The following CUL9 variants were observed in gnomAD, a reference collection of about 807,000 sequenced individuals.
CUL9 encodes cullin 9, also known as cullin-9.
CUL9 carries 79 observed loss-of-function variants against 272.6 expected under a neutral mutation model. That is an observed-to-expected ratio of 0.29 (90% CI 0.24 to 0.35). The LOEUF is 0.35. Ranked by LOEUF, CUL9 falls within the 10% of genes least tolerant of loss-of-function variation. The pLI is 1.00. For synonymous variants in CUL9, 1,186 were observed against 1,286.5 expected, an observed-to-expected ratio of 0.92 and a Z score of 1.67; for missense variants, 2,532 against 3,255.6, an observed-to-expected ratio of 0.78 and a Z score of 5.41.
At chr6:43,214,493 C>G (rs987672979) in intron 29 of CUL9, among the ~76,000 whole-genome samples, 1 of 151,882 alleles carries the variant, frequency 6.6e-6, no homozygotes, top group Non-Finnish European at 1.5e-5. Flanking sequence ...CAGATAAGAA[C>G]AGTGAAGTAT....
intron 24 of CUL9, 31 bp from the exon 25 acceptor site, chr6:43,205,976 T>C: frequency 6.2e-7 from 1 of 1,602,028 alleles, no homozygotes; most frequent in Non-Finnish European, 8.5e-7. Context: ...GCACCCACAC[T>C]GAGGCTTGGC....
intron 11 of CUL9, 57 bp downstream of exon 11, chr6:43,196,919 C>T (rs2150560073): frequency 1.5e-6 from 2 of 1,374,492 alleles, no homozygotes; most frequent in South Asian, 1.2e-5. Flanking sequence ...GCCAGGTTTA[C>T]ATATCAGCTC....
rs375559910 is a variant in CUL9, at chr6:43,199,247, G to A, written c.3051-19G>A. On this transcript the variant is annotated intron_variant, in intron 12 of 40. Coordinates refer to ENST00000252050, the MANE Select transcript of CUL9 (RefSeq NM_015089.4). This position sits in a 1 kb window ranked among gnomAD's most constrained non-coding sequence, Gnocchi z 4.4. Reference sequence around the variant, plus strand: ...CACTGTGCCTGGCCTGACTTCACTCGTTTCTACCCCCTCACCAGGGTCATA... The same window carrying A: ...CACTGTGCCTGGCCTGACTTCACTCATTTCTACCCCCTCACCAGGGTCATA... The A allele has an allele frequency of 1.2e-5, 19 of 1,601,280 alleles. No homozygotes were observed. Among genetic ancestry groups the A allele is most frequent in the East Asian group, 2.2e-5 (1 of 44,672 alleles).
Position 43,184,244 on chromosome 6 carries a change from C to T in CUL9, c.-9-58C>T, listed in dbSNP as rs1772713062. 2.3e-6 allele frequency: 3 copies of T among 1,279,906 alleles called. No homozygotes were observed. Among genetic ancestry groups the T allele is most frequent in the South Asian group, 1.9e-5 (1 of 51,816 alleles). The allele number at this position is 1,279,906 out of a possible 1,614,324, so 79.3% of individuals were successfully genotyped here. A position where few individuals can be genotyped will look rare whatever the true frequency, so the allele number is the denominator to read the frequency against. On this transcript the variant is annotated intron_variant, in intron 1 of 40. Transcript: ENST00000252050. This position sits in a 1 kb window ranked among gnomAD's most constrained non-coding sequence, Gnocchi z 4.8. ...TCTCTGTGTCTCAAGATTCCACCCC[C>T]TCCATGTATTTTTTTTCTTTTCTCA...
rs184724288 is a variant in CUL9, at chr6:43,184,005, C to A, written c.-9-297C>A. Among the ~76,000 whole-genome samples, 100 of 152,256 alleles carry A rather than the reference C, an allele frequency of 6.6e-4. No individual in the cohort carries two copies. Among genetic ancestry groups the A allele is most frequent in the African/African-American group, 2.3e-3 (97 of 41,556 alleles). ...TGACCTCGTGATCTGCCCACCTTGG[C>A]CTCCTAAAGTGCTGGGATTACAGGC... On this transcript the variant is annotated intron_variant, in intron 1 of 40. Transcript: ENST00000252050. This position sits in a 1 kb window ranked among gnomAD's most constrained non-coding sequence, Gnocchi z 4.8.
chr6:43,190,206 T>C (rs1195424969), intron 8 of CUL9, among the ~76,000 whole-genome samples: 1 of 152,162 alleles, frequency 6.6e-6, no homozygotes, highest in Non-Finnish European at 1.5e-5. Flanking sequence ...TTTTTTAATC[T>C]ATCTAATTGG....
At chr6:43,191,694 C>T (rs1298011019) in intron 8 of CUL9, among the ~76,000 whole-genome samples, 2 of 151,792 alleles carry the variant, frequency 1.3e-5, no homozygotes, top group Non-Finnish European at 2.9e-5. Flanking sequence ...AAGCGATTCT[C>T]CTGCCTCAGC....
At chr6:43,211,746 A>G (rs998258737) in intron 26 of CUL9, among the ~76,000 whole-genome samples, 5 of 152,098 alleles carry the variant, frequency 3.3e-5, no homozygotes, top group African/African-American at 9.7e-5. Context: ...TCTTGCTTCA[A>G]TCTGTACCCC....
Position 43,206,385 on chromosome 6 carries a change from C to G in CUL9, c.5087C>G (p.Ser1696Cys), listed in dbSNP as rs771801879. The G allele has an allele frequency of 1.3e-4, 204 of 1,614,066 alleles. No homozygotes were observed. Among genetic ancestry groups the G allele is most frequent in the Non-Finnish European group, 1.7e-4 (198 of 1,180,036 alleles). ...LFIEDPSPAISILVLSPRCWP... is the reference protein window; with the variant it reads ...LFIEDPSPAICILVLSPRCWP... Reference sequence around the variant, plus strand: ...ATCGAAGATCCAAGTCCAGCCATTTCTATACTGGTCCTGTCACCACGCTGC... The same window carrying G: ...ATCGAAGATCCAAGTCCAGCCATTTGTATACTGGTCCTGTCACCACGCTGC... Residue 1696 changes from serine (S) to cysteine (C), a missense_variant, in exon 26 of 41, where the codon TCT becomes TGT. Ser to Cys is a moderately radical substitution (Grantham distance 112). Transcript: ENST00000252050. The surrounding 1 kb of genome is among the most constrained non-coding windows in gnomAD (Gnocchi z 4.8).
At chr6:43,209,362 G>T (rs1321984246) in intron 26 of CUL9, among the ~76,000 whole-genome samples, 1 of 150,636 alleles carries the variant, frequency 6.6e-6, no homozygotes, top group African/African-American at 2.4e-5. Flanking sequence ...TGTTAGCCAG[G>T]ATGGTCTCGA....
At chr6:43,204,642 C>T in intron 21 of CUL9, 103 bp downstream of exon 21, 4 of 1,578,466 alleles carry the variant, frequency 2.5e-6, no homozygotes, top group Non-Finnish European at 3.5e-6. Flanking sequence ...CCGGCCTTTC[C>T]AGGCCCCTGA....
Position 43,193,077 on chromosome 6 carries a change from C to A in CUL9, c.2257C>A (p.Arg753Ser). 1 of 1,614,216 alleles carries A rather than the reference C, an allele frequency of 6.2e-7. No individual in the cohort carries two copies. The highest frequency in any genetic ancestry group is 8.5e-7 in the Non-Finnish European group (1 of 1,180,036). The change falls in exon 9 of 41, where the codon CGC becomes AGC. Residue 753 changes from arginine (R) to serine (S), a missense_variant. By Grantham distance (110) the Arg-to-Ser change is moderately radical (BLOSUM62 -1). Around this residue, in one of 3 missense-constraint regions of CUL9, gnomAD observed 2,218 missense variants for 2,788.6 expected, o/e 0.80. Coordinates refer to ENST00000252050, the MANE Select transcript of CUL9 (RefSeq NM_015089.4). ...GAAGATGGTGGTCGTGCAGGCCCTG[C>A]GCCTCCTTTACCTGCTCATGACCAA... ...GEKMVVVQAL[R>S]LLYLLMTKHE... is the part of the protein sequence containing the mutation.
chr6:43,198,406 A>T (rs1467143151), intron 11 of CUL9: 1 of 984,134 alleles, frequency 1.0e-6, no homozygotes, highest in Non-Finnish European at 1.2e-6. Context: ...AGTGTTTGCT[A>T]TACTAGGTTT....
At position 43,203,522 on chromosome 6, in the gene CUL9, A is replaced by G. The variant is rs1395835710; in HGVS notation, c.3955A>G (p.Thr1319Ala). ...GTGTCGCCGAACATGTCTCTTCTAC[A>G]CAATTCGGGCACAAGCCTGGAGCCG... ...QLCRRTCLFYTIRAQAWSRDI... is the reference protein window; with the variant it reads ...QLCRRTCLFYAIRAQAWSRDI... The change falls in exon 19 of 41, where the codon ACA becomes GCA. Residue 1319 changes from threonine (T) to alanine (A), a missense_variant. Around this residue, in one of 3 missense-constraint regions of CUL9, gnomAD observed 2,218 missense variants for 2,788.6 expected, o/e 0.80. Coordinates refer to ENST00000252050, the MANE Select transcript of CUL9 (RefSeq NM_015089.4). The surrounding 1 kb of genome is among the most constrained non-coding windows in gnomAD (Gnocchi z 5.0). The G allele has an allele frequency of 6.2e-7, 1 of 1,613,972 alleles. No individual in the cohort carries two copies. The highest frequency in any genetic ancestry group is 1.3e-5 in the African/African-American group (1 of 74,882).
intron 30 of CUL9, among the ~76,000 whole-genome samples, chr6:43,215,704 G>A (rs528494873): frequency 6.6e-6 from 1 of 152,310 alleles, no homozygotes; most frequent in Non-Finnish European, 1.5e-5. Flanking sequence ...CATGTGTAAA[G>A]TGAATTATCG....
intron 8 of CUL9, 107 bp from the exon 9 acceptor site, chr6:43,192,894 C>T: frequency 2.1e-6 from 2 of 934,072 alleles, no homozygotes; most frequent in Non-Finnish European, 1.7e-6. Flanking sequence ...AGAGGATGGA[C>T]TAGATCTTGG....
chr6:43,198,734 C>T lies in CUL9; in HGVS notation c.2929C>T (p.Pro977Ser). The part of the protein sequence containing the change: ...LERVLCREGS[P>S]GGAVRPLLKR... ...GCGTGTGCTGTGCCGTGAGGGCAGC[C>T]CCGGAGGTGCCGTGAGGCCCCTCCT... The change falls in exon 12 of 41, where the codon CCC (proline) becomes TCC (serine). Residue 977 changes from proline to serine, a missense_variant. By Grantham distance (74) the Pro-to-Ser change is moderately conservative (BLOSUM62 -1). Around this residue, in one of 3 missense-constraint regions of CUL9, gnomAD observed 2,218 missense variants for 2,788.6 expected, o/e 0.80. Coordinates refer to ENST00000252050, the MANE Select transcript of CUL9 (RefSeq NM_015089.4). 6.2e-7 allele frequency: 1 copy of T among 1,614,112 alleles called. No individual in the cohort carries two copies. The highest frequency in any genetic ancestry group is 8.5e-7 in the Non-Finnish European group (1 of 1,179,998).
rs756946015 is a variant in CUL9, at chr6:43,220,822, G to A, written c.6499G>A (p.Asp2167Asn). ...LTWCTNPQGC[D>N]RILCRQGLGC... The stretch of plus-strand genomic sequence containing the variant: ...CTGGTGCACCAACCCCCAGGGCTGC[G>A]ACCGCATCCTGTGCCGCCAGGGCCT... Residue 2167 changes from aspartate to asparagine, a missense_variant, in exon 33 of 41, where the codon GAC (aspartate) becomes AAC (asparagine). Physicochemically the swap from Asp to Asn is conservative, Grantham distance 23 (BLOSUM62 1). This residue lies in a region of CUL9 where 77 missense variants were observed against 161.1 expected (regional missense o/e 0.48). Transcript: ENST00000252050. The surrounding 1 kb of genome is among the most constrained non-coding windows in gnomAD (Gnocchi z 4.9). 3 of 1,613,600 alleles carry A rather than the reference G, an allele frequency of 1.9e-6. No individual in the cohort carries two copies. Among genetic ancestry groups the A allele is most frequent in the African/African-American group, 1.3e-5 (1 of 75,052 alleles).
chr6:43,187,143 A>C (rs769468181), intron 5 of CUL9, 48 bp downstream of exon 5: 1 of 1,608,704 alleles, frequency 6.2e-7, no homozygotes, highest in Admixed American at 1.7e-5. Context: ...ACAGAGGATT[A>C]GTGACTGGGA....
Sources: allele counts gnomAD v4.1 joint callset (sites outside exome capture counted in the v4.1 genomes callset), GRCh38; gene constraint gnomAD v4.1.1; regional missense constraint gnomAD v4.1.1; non-coding constraint Gnocchi (gnomAD v3.1); transcripts MANE v1.5; gene names NCBI Gene and HGNC (gene_info 2026-07-23, HGNC 2026-07-21).